ADAMTS3: variants seen among roughly 807,000 people sequenced by gnomAD.
ADAMTS3 encodes the protein ADAM metallopeptidase with thrombospondin type 1 motif 3, also known as A disintegrin and metalloproteinase with thrombospondin motifs 3.
Under a neutral mutation model 129.0 loss-of-function variants are expected in ADAMTS3, and 73 were observed. The ratio of observed to expected loss-of-function variants is 0.57; its 90% CI spans 0.47 to 0.69. The LOEUF (loss-of-function observed/expected upper bound fraction) is 0.69. Ranked by LOEUF, ADAMTS3 falls within the 30% of genes least tolerant of loss-of-function variation. ADAMTS3 has a pLI of 0.00. For synonymous variants in ADAMTS3, 477 were observed against 510.8 expected, an observed-to-expected ratio of 0.93 and a Z score of 0.89; for missense variants, 1,457 against 1,514.5, an observed-to-expected ratio of 0.96 and a Z score of 0.63.
chr4:72,339,486 C>G lies in ADAMTS3; in HGVS notation c.861+8G>C. The G allele has an allele frequency of 6.2e-7, 1 of 1,613,416 alleles. No individual in the cohort carries two copies. The highest frequency in any genetic ancestry group is 8.5e-7 in the Non-Finnish European group (1 of 1,179,510). On this transcript the variant is annotated splice_region_variant and intron_variant, in intron 5 of 21. Coordinates refer to ENST00000286657, the MANE Select transcript of ADAMTS3 (RefSeq NM_014243.3). The stretch of plus-strand genomic sequence containing the variant: ...ATCAAAAAGCTTTAAAAAGGAGTCA[C>G]TACTCACAATGTTCATTAGGGTCAG...
chr4:72,367,715 C>T (rs142075577), intron 4 of ADAMTS3, among the ~76,000 whole-genome samples: 1,664 of 151,986 alleles, frequency 0.011, 42 homozygotes, highest in African/African-American at 0.038. Context: ...CCGGGCGTGG[C>T]GGCAGGCGCC....
chr4:72,472,654 T>C (rs1054091930), intron 3 of ADAMTS3, among the ~76,000 whole-genome samples: 1 of 152,140 alleles, frequency 6.6e-6, no homozygotes. Flanking sequence ...TTCTTTCACC[T>C]TGCAGTTCTG....
chr4:72,472,773 T>C (rs575979715), intron 3 of ADAMTS3, among the ~76,000 whole-genome samples: 3 of 152,254 alleles, frequency 2.0e-5, no homozygotes, highest in Admixed American at 6.5e-5. Context: ...AAGGGTAAAA[T>C]AAATTCTTTA....
chr4:72,480,702 AAAAAAAT>A (rs1395359409), intron 3 of ADAMTS3, among the ~76,000 whole-genome samples: 1 of 151,294 alleles, frequency 6.6e-6, no homozygotes, highest in Non-Finnish European at 1.5e-5. Context: ...TAATAATAAT[AAAAAAAT>A]AAAAAATAAA....
At chr4:72,530,757 T>C (rs1438339880) in intron 3 of ADAMTS3, among the ~76,000 whole-genome samples, 4 of 16,708 alleles carry the variant, frequency 2.4e-4, no homozygotes, top group South Asian at 7.6e-3. Flanking sequence ...ATATATTATA[T>C]ATTATATAGA....
intron 3 of ADAMTS3, among the ~76,000 whole-genome samples, chr4:72,419,644 G>A (rs6816107): frequency 0.67 from 101,503 of 151,958 alleles, 34,536 homozygotes; most frequent in South Asian, 0.8. Flanking sequence ...ATCAGCTGTC[G>A]TTAGTATGAG....
At chr4:72,515,383 T>C (rs927439187) in intron 3 of ADAMTS3, among the ~76,000 whole-genome samples, 4 of 151,916 alleles carry the variant, frequency 2.6e-5, no homozygotes, top group Non-Finnish European at 1.5e-5. Context: ...ATGGTATTTC[T>C]AGTTCTAGAT....
chr4:72,363,568 C>T (rs72862400), intron 4 of ADAMTS3, among the ~76,000 whole-genome samples: 31 of 152,002 alleles, frequency 2.0e-4, no homozygotes, highest in East Asian at 1.4e-3. Flanking sequence ...AATCTATAAG[C>T]GCAATTATTT....
At chr4:72,393,837 A>C (rs1721661732) in intron 4 of ADAMTS3, among the ~76,000 whole-genome samples, 1 of 152,236 alleles carries the variant, frequency 6.6e-6, no homozygotes, top group African/African-American at 2.4e-5. Context: ...TTCAGCATCT[A>C]TAACTAGATT....
intron 4 of ADAMTS3, among the ~76,000 whole-genome samples, chr4:72,399,355 T>G (rs1461347919): frequency 6.6e-6 from 1 of 152,032 alleles, no homozygotes; most frequent in Non-Finnish European, 1.5e-5. Flanking sequence ...ATTGCTTAAA[T>G]CCAGGAGTTT....
intron 3 of ADAMTS3, among the ~76,000 whole-genome samples, chr4:72,492,842 C>T (rs1402813252): frequency 6.6e-6 from 1 of 151,714 alleles, no homozygotes; most frequent in Admixed American, 6.6e-5. Context: ...TCAATTTCTG[C>T]CTTCAGATCT....
At chr4:72,516,145 G>C (rs569549602) in intron 3 of ADAMTS3, among the ~76,000 whole-genome samples, 1 of 152,232 alleles carries the variant, frequency 6.6e-6, no homozygotes, top group African/African-American at 2.4e-5. Flanking sequence ...TCAGATAGTT[G>C]TAGATATGCA....
chr4:72,452,130 G>A (rs1296400874), intron 3 of ADAMTS3, among the ~76,000 whole-genome samples: 1 of 151,606 alleles, frequency 6.6e-6, no homozygotes, highest in African/African-American at 2.4e-5. Flanking sequence ...AAGTTTGCAT[G>A]TTCCTTTCCC....
At position 72,472,389 on chromosome 4, in the gene ADAMTS3, C is replaced by T. The variant is rs1719095310; in HGVS notation, c.505-57418G>A. On this transcript the variant is annotated intron_variant, in intron 3 of 21. Transcript: ENST00000286657. ...AAATATCTTTTAACAACATGCAAAG[C>T]AATTCACTGTAGGTTTATACAGTAT... Among the ~76,000 whole-genome samples the T allele has an allele frequency of 2.0e-5, 3 of 152,196 alleles. No homozygotes were observed. In the South Asian group the frequency reaches 6.2e-4, roughly 32 times the overall value.
chr4:72,392,987 G>A (rs371930119), intron 4 of ADAMTS3, among the ~76,000 whole-genome samples: 5 of 148,478 alleles, frequency 3.4e-5, no homozygotes, highest in South Asian at 2.1e-4. Context: ...GTGCAATGGC[G>A]CAATCTCAGC....
At chr4:72,419,523 C>G (rs1722391261) in intron 3 of ADAMTS3, among the ~76,000 whole-genome samples, 1 of 152,174 alleles carries the variant, frequency 6.6e-6, no homozygotes, top group Admixed American at 6.5e-5. Context: ...GCTTGTCCAA[C>G]CTGTGTCCTG....
At chr4:72,384,376 T>G (rs1222167898) in intron 4 of ADAMTS3, among the ~76,000 whole-genome samples, 1 of 152,196 alleles carries the variant, frequency 6.6e-6, no homozygotes, top group Non-Finnish European at 1.5e-5. Context: ...TTAGTCACAT[T>G]GTTAAAACCA....
chr4:72,465,603 T>A (rs944873985), intron 3 of ADAMTS3, among the ~76,000 whole-genome samples: 1 of 151,956 alleles, frequency 6.6e-6, no homozygotes, highest in Non-Finnish European at 1.5e-5. Context: ...AGGATTGAAC[T>A]AAAAAGGGCA....
intron 3 of ADAMTS3, among the ~76,000 whole-genome samples, chr4:72,542,694 T>G (rs187331544): frequency 2.7e-3 from 405 of 152,296 alleles, no homozygotes; most frequent in African/African-American, 6.9e-3. Context: ...GACCCATGAC[T>G]TCCTTTTCTC....
Sources: allele counts gnomAD v4.1 joint callset (sites outside exome capture counted in the v4.1 genomes callset), GRCh38; gene constraint gnomAD v4.1.1; transcripts MANE v1.5; gene names NCBI Gene and HGNC (gene_info 2026-07-23, HGNC 2026-07-21).